PPP1R13L: variants seen among roughly 807,000 people sequenced by gnomAD.
PPP1R13L encodes the protein protein phosphatase 1 regulatory subunit 13 like.
PPP1R13L carries 50 observed loss-of-function variants against 80.9 expected under a neutral mutation model. The observed-to-expected ratio is 0.62, with a 90% confidence interval of 0.49 to 0.78. The LOEUF (loss-of-function observed/expected upper bound fraction) is 0.78. Ranked by LOEUF, PPP1R13L falls within the 30% of genes least tolerant of loss-of-function variation. The pLI is 0.00. For synonymous variants in PPP1R13L, 602 were observed against 534.3 expected, an observed-to-expected ratio of 1.13 and a Z score of -1.75; for missense variants, 1,200 against 1,205.9, an observed-to-expected ratio of 1.00 and a Z score of 0.07.
chr19:45,398,196 G>C, intron 2 of PPP1R13L, 49 bp from the exon 3 acceptor site: 1 of 1,612,382 alleles, frequency 6.2e-7, no homozygotes, highest in Non-Finnish European at 8.5e-7. Flanking sequence ...GGCAGGGGCC[G>C]GCCTCAGCAC....
chr19:45,383,349 G>A (rs560072839), intron 11 of PPP1R13L, among the ~76,000 whole-genome samples: 2 of 125,326 alleles, frequency 1.6e-5, no homozygotes, highest in Non-Finnish European at 1.6e-5. Context: ...GCCCAGGCAG[G>A]AGTGCAATGG....
chr19:45,400,454 C>T (rs546920955), intron 1 of PPP1R13L, among the ~76,000 whole-genome samples: 1 of 151,886 alleles, frequency 6.6e-6, no homozygotes, highest in African/African-American at 2.4e-5. Context: ...CATGCTGATA[C>T]CCGCCTCTGT....
intron 6 of PPP1R13L, 86 bp from the exon 7 acceptor site, chr19:45,395,972 G>C (rs1299969074): frequency 8.2e-6 from 11 of 1,347,866 alleles, no homozygotes; most frequent in Non-Finnish European, 1.1e-5. Context: ...AGGGAGAGGA[G>C]GTGAGGGAAG....
intron 8 of PPP1R13L, among the ~76,000 whole-genome samples, chr19:45,387,762 A>G (rs1972897662): frequency 6.6e-6 from 1 of 152,168 alleles, no homozygotes; most frequent in Non-Finnish European, 1.5e-5. Flanking sequence ...CGTGTTAGCC[A>G]GGAAGGTCTT....
At chr19:45,388,799 G>A (rs145713028) in intron 8 of PPP1R13L, among the ~76,000 whole-genome samples, 4 of 151,752 alleles carry the variant, frequency 2.6e-5, no homozygotes, top group African/African-American at 9.7e-5. Context: ...GTGCAGTGGC[G>A]CAATCTCGGC....
chr19:45,379,998 G>A lies in PPP1R13L; in HGVS notation c.*192C>T, dbSNP rs991965222. On this transcript the variant is annotated 3_prime_UTR_variant, in exon 13 of 13. Transcript: ENST00000360957. Reference sequence around the variant, plus strand: ...CCCTTCCCAGACCTCCCAAGGCTAAGGCAGATTACTAAATTTAAGGCTGGG... The same window carrying A: ...CCCTTCCCAGACCTCCCAAGGCTAAAGCAGATTACTAAATTTAAGGCTGGG... 3.5e-5 allele frequency: 22 copies of A among 626,386 alleles called. No individual in the cohort carries two copies. The highest frequency in any genetic ancestry group is 5.5e-5 in the Non-Finnish European group (20 of 362,226). 38.8% of individuals were successfully genotyped at this position (626,386 alleles called of 1,614,324 possible).
At chr19:45,399,172 T>C (rs1232359437) in intron 1 of PPP1R13L, among the ~76,000 whole-genome samples, 2 of 148,548 alleles carry the variant, frequency 1.3e-5, no homozygotes, top group African/African-American at 5.0e-5. Context: ...CTCGATCTCC[T>C]GACCGCGTGA....
chr19:45,382,751 G>C (rs2123346098), intron 11 of PPP1R13L, 25 bp from the exon 12 acceptor site: 1 of 1,612,468 alleles, frequency 6.2e-7, no homozygotes, highest in East Asian at 2.2e-5. Context: ...GGAGGGGAAG[G>C]TGAGAGCCTG....
intron 11 of PPP1R13L, among the ~76,000 whole-genome samples, chr19:45,384,273 C>A (rs569636976): frequency 1.3e-5 from 2 of 149,324 alleles, no homozygotes; most frequent in Non-Finnish European, 3.0e-5. Context: ...ATAATCACAG[C>A]ACTTTGGGAG....
Position 45,396,578 on chromosome 19 carries a change from C to G in PPP1R13L, c.679G>C (p.Gly227Arg). The G allele has an allele frequency of 1.3e-6, 2 of 1,505,272 alleles. No individual in the cohort carries two copies. The highest frequency in any genetic ancestry group is 1.8e-6 in the Non-Finnish European group (2 of 1,134,724). 93.2% of individuals were successfully genotyped at this position (1,505,272 alleles called of 1,614,324 possible). Reference sequence around the variant, plus strand: ...CGCAGAGGCGGGGCGAATGCGCTGCCGCCGGAGCCTAGCAGGGAGCTCCCG... The same window carrying G: ...CGCAGAGGCGGGGCGAATGCGCTGCGGCCGGAGCCTAGCAGGGAGCTCCCG... ...AFGSSLLGSG[G>R]SAFAPPLRAQ... is the part of the protein sequence containing the mutation. The change falls in exon 4 of 13, where the codon GGC (glycine) becomes CGC (arginine). Residue 227 changes from glycine to arginine, a missense_variant. Coordinates refer to ENST00000360957, the MANE Select transcript of PPP1R13L (RefSeq NM_006663.4). The surrounding 1 kb of genome is among the most constrained non-coding windows in gnomAD (Gnocchi z 5.3).
intron 3 of PPP1R13L, among the ~76,000 whole-genome samples, chr19:45,397,464 CTCTCTCTCTCTTTCTT>C (rs1473804768): frequency 8.9e-5 from 9 of 101,612 alleles, no homozygotes; most frequent in East Asian, 2.7e-4. Flanking sequence ...TGCTTGCTTT[CTCTCTCTCTCTTTCTT>C]TCTTTCTTTC....
intron 8 of PPP1R13L, among the ~76,000 whole-genome samples, chr19:45,387,671 C>T (rs1338950768): frequency 6.6e-6 from 1 of 152,160 alleles, no homozygotes; most frequent in African/African-American, 2.4e-5. Flanking sequence ...TCTCCTGCCT[C>T]AGCCTGCCAA....
At chr19:45,398,241 C>A in intron 2 of PPP1R13L, 23 bp downstream of exon 2, 9 of 1,613,776 alleles carry the variant, frequency 5.6e-6, no homozygotes, top group Non-Finnish European at 7.6e-6. Flanking sequence ...GCCTCGCCAG[C>A]CCCGCCCCCT....
Position 45,383,293 on chromosome 19 carries a change from C to CTTTT in PPP1R13L, c.2249-571_2249-568dup, listed in dbSNP as rs1164667426. ...ACAGGCGTGAGCCACCGCGCCCGGC[C>CTTTT]TTTTTTTTTTTTTTTTTTTTTTTGA... On this transcript the variant is annotated intron_variant, in intron 11 of 12. Coordinates refer to ENST00000360957, the MANE Select transcript of PPP1R13L (RefSeq NM_006663.4). Among the ~76,000 whole-genome samples the CTTTT allele has an allele frequency of 9.7e-4, 61 of 62,838 alleles. 2 individuals carry two copies. The highest frequency in any genetic ancestry group is 2.0e-3 in the African/African-American group (25 of 12,344). The allele number at this position is 62,838 out of a possible 152,430, so 41.2% of individuals were successfully genotyped here.
chr19:45,384,200 C>T (rs1413649463), intron 11 of PPP1R13L, among the ~76,000 whole-genome samples: 1 of 151,754 alleles, frequency 6.6e-6, no homozygotes, highest in Non-Finnish European at 1.5e-5. Context: ...CTGCCTCAGC[C>T]TCCTCCTGAT....
At chr19:45,384,948 C>G (rs912435804) in intron 11 of PPP1R13L, among the ~76,000 whole-genome samples, 1 of 152,106 alleles carries the variant, frequency 6.6e-6, no homozygotes, top group Non-Finnish European at 1.5e-5. Flanking sequence ...CCCTCTGTCT[C>G]ACCCATAAGT....
intron 1 of PPP1R13L, among the ~76,000 whole-genome samples, chr19:45,399,426 C>T (rs954945360): frequency 1.4e-4 from 21 of 148,476 alleles, no homozygotes; most frequent in Admixed American, 2.0e-4. Flanking sequence ...AGAGCGAGAC[C>T]ATCCTGGCTA....
chr19:45,395,132 A>C, intron 7 of PPP1R13L: 1 of 344,142 alleles, frequency 2.9e-6, no homozygotes. Flanking sequence ...GGCATGAGCC[A>C]CCGTGCCCGG....
intron 11 of PPP1R13L, among the ~76,000 whole-genome samples, chr19:45,383,320 A>C (rs35544084): frequency 0.24 from 18,485 of 77,904 alleles, 2,017 homozygotes; most frequent in East Asian, 0.48. Context: ...TTTTTTTGAG[A>C]TGGAATTTCG....
Sources: allele counts gnomAD v4.1 joint callset (sites outside exome capture counted in the v4.1 genomes callset), GRCh38; gene constraint gnomAD v4.1.1; non-coding constraint Gnocchi (gnomAD v3.1); transcripts MANE v1.5; gene names NCBI Gene and HGNC (gene_info 2026-07-23, HGNC 2026-07-21).